ADGRB3: variants seen among roughly 807,000 people sequenced by gnomAD.
ADGRB3 encodes adhesion G protein-coupled receptor B3, also known as brain-specific angiogenesis inhibitor 3.
In ADGRB3, 37 loss-of-function variants were observed where a neutral mutation model predicts 193.4. That is an observed-to-expected ratio of 0.19 (90% CI 0.15 to 0.25). The LOEUF (loss-of-function observed/expected upper bound fraction) is 0.25, where lower values mean the gene tolerates loss of function less well. Among genes scored for constraint, ADGRB3 ranks in the 10% least tolerant of loss-of-function variants. The pLI, the probability that ADGRB3 is intolerant of heterozygous loss-of-function variation, is 1.00. For missense variants in ADGRB3, 1,637 were observed against 1,852.9 expected, an observed-to-expected ratio of 0.88 and a Z score of 2.14; for synonymous variants, 690 against 644.2, an observed-to-expected ratio of 1.07 and a Z score of -1.08.
chr6:68,768,311 C>T (rs1766550598), intron 3 of ADGRB3, among the ~76,000 whole-genome samples: 1 of 152,054 alleles, frequency 6.6e-6, no homozygotes, highest in Non-Finnish European at 1.5e-5. Context: ...CAACAGTAAC[C>T]AAAACAGCAT....
In ADGRB3 at chr6:69,305,858, G is replaced by A. The variant is rs1310030672; in HGVS notation, c.2815-19014G>A. 1.3e-5 allele frequency among the ~76,000 whole-genome samples: 2 copies of A among 151,264 alleles called. 1 individual carries two copies. Among genetic ancestry groups the A allele is most frequent in the African/African-American group, 4.9e-5 (2 of 40,966 alleles). On this transcript the variant is annotated intron_variant, in intron 20 of 31. Transcript: ENST00000370598. ...TTATGCATTCATGGATTAACAAACT[G>A]AAGATTAAAAATACCCCTGGGAAAA... is the stretch of plus-strand genomic sequence containing the variant.
At chr6:69,113,109 A>G (rs1245065696) in intron 17 of ADGRB3, among the ~76,000 whole-genome samples, 1 of 152,212 alleles carries the variant, frequency 6.6e-6, no homozygotes, top group African/African-American at 2.4e-5. Flanking sequence ...TGCAAATACT[A>G]TGCTATTTTA....
intron 3 of ADGRB3, among the ~76,000 whole-genome samples, chr6:68,842,159 C>A (rs1178351114): frequency 6.6e-6 from 1 of 150,974 alleles, no homozygotes; most frequent in Non-Finnish European, 1.5e-5. Flanking sequence ...TAAGTACCCA[C>A]AAAAATTAAA....
intron 17 of ADGRB3, among the ~76,000 whole-genome samples, chr6:69,151,274 C>G (rs1026624901): frequency 6.6e-6 from 1 of 152,166 alleles, no homozygotes; most frequent in African/African-American, 2.4e-5. Context: ...TGCCAGAACT[C>G]AGGTTCTGAC....
At chr6:69,037,147 A>G (rs970870004) in intron 13 of ADGRB3, among the ~76,000 whole-genome samples, 9 of 152,152 alleles carry the variant, frequency 5.9e-5, no homozygotes, top group Non-Finnish European at 4.4e-5. Context: ...TCAATAGTAA[A>G]GAATGACCCC....
At chr6:68,652,356 A>G (rs1483100269) in intron 3 of ADGRB3, among the ~76,000 whole-genome samples, 1 of 152,164 alleles carries the variant, frequency 6.6e-6, no homozygotes, top group South Asian at 2.1e-4. Flanking sequence ...CACTTGTGAA[A>G]TAACAGATCT....
intron 3 of ADGRB3, among the ~76,000 whole-genome samples, chr6:68,841,343 A>G (rs1007344890): frequency 1.8e-4 from 28 of 152,308 alleles, no homozygotes; most frequent in Middle Eastern, 3.4e-3. Context: ...GATAGACTAT[A>G]TGTTAAGCCA....
chr6:68,744,054 T>A (rs2127343386), intron 3 of ADGRB3, among the ~76,000 whole-genome samples: 1 of 152,188 alleles, frequency 6.6e-6, no homozygotes, highest in South Asian at 2.1e-4. Flanking sequence ...GTTGTTTTCA[T>A]GGGTAAAAGG....
At chr6:68,690,881 A>C (rs777253506) in intron 3 of ADGRB3, among the ~76,000 whole-genome samples, 4 of 152,066 alleles carry the variant, frequency 2.6e-5, no homozygotes, top group Middle Eastern at 3.2e-3. Context: ...TAGAGAACAC[A>C]TTTTGGGTTG....
In ADGRB3 at chr6:69,151,305, C is replaced by T. The variant is rs1479363275; in HGVS notation, c.2480+75267C>T. Among the ~76,000 whole-genome samples, 4 of 152,178 alleles carry T rather than the reference C, an allele frequency of 2.6e-5. No individual in the cohort carries two copies. In the East Asian group the frequency reaches 7.7e-4, roughly 29 times the overall value. On this transcript the variant is annotated intron_variant, in intron 17 of 31. Transcript: ENST00000370598. ...CTGACTCCTGAGATGTATGATTCCC[C>T]TCCGGCCAGTGCTAATCTCAATGTT...
intron 3 of ADGRB3, among the ~76,000 whole-genome samples, chr6:68,674,342 A>G (rs1769033960): frequency 6.6e-6 from 1 of 152,212 alleles, no homozygotes; most frequent in South Asian, 2.1e-4. Flanking sequence ...ATTGTAAGAC[A>G]ATAGAAGGGA....
At chr6:68,680,786 T>G (rs1764881050) in intron 3 of ADGRB3, among the ~76,000 whole-genome samples, 1 of 152,154 alleles carries the variant, frequency 6.6e-6, no homozygotes, top group African/African-American at 2.4e-5. Flanking sequence ...TATTAAGATC[T>G]CTATTGGACT....
At chr6:68,860,984 A>T (rs118183734) in intron 3 of ADGRB3, among the ~76,000 whole-genome samples, 3,221 of 152,266 alleles carry the variant, frequency 0.021, 50 homozygotes, top group Non-Finnish European at 0.031. Flanking sequence ...ATTGACACAC[A>T]TTTCAGACTC....
At chr6:69,030,589 G>A (rs1195244330) in intron 13 of ADGRB3, among the ~76,000 whole-genome samples, 1 of 152,078 alleles carries the variant, frequency 6.6e-6, no homozygotes, top group Non-Finnish European at 1.5e-5. Flanking sequence ...CACAGGGAGG[G>A]GAACATCACA....
chr6:69,134,494 T>C (rs985164875), intron 17 of ADGRB3, among the ~76,000 whole-genome samples: 3 of 152,104 alleles, frequency 2.0e-5, no homozygotes, highest in Non-Finnish European at 4.4e-5. Flanking sequence ...GTAATCCCCA[T>C]AGCACTTCAT....
chr6:68,870,266 A>C (rs1233118875), intron 3 of ADGRB3, among the ~76,000 whole-genome samples: 1 of 152,218 alleles, frequency 6.6e-6, no homozygotes. Context: ...AAAAATTCTT[A>C]GAACTCATCT....
Position 69,339,391 on chromosome 6 carries a change from G to C in ADGRB3, c.3346G>C (p.Ala1116Pro). 1 of 1,613,980 alleles carries C rather than the reference G, an allele frequency of 6.2e-7. No individual in the cohort carries two copies. Among genetic ancestry groups the C allele is most frequent in the Non-Finnish European group, 8.5e-7 (1 of 1,179,918 alleles). Residue 1116 changes from alanine (A) to proline (P), a missense_variant, in exon 26 of 32, where the codon GCG becomes CCG. Around this residue, in one of 7 missense-constraint regions of ADGRB3, gnomAD observed 116 missense variants for 168.1 expected, o/e 0.69. Transcript: ENST00000370598. ...LPLLALTWMS[A>P]VLAMTDKRSI... ...CCTTCTGGCTTTGACGTGGATGTCT[G>C]CGGTTCTGGCCATGACAGATAAACG...
intron 17 of ADGRB3, among the ~76,000 whole-genome samples, chr6:69,142,909 G>A (rs982571029): frequency 1.3e-5 from 2 of 152,020 alleles, no homozygotes; most frequent in Non-Finnish European, 2.9e-5. Context: ...CTTTCTTAGG[G>A]GTATATGCCC....
rs532448093 is a variant in ADGRB3, at chr6:69,133,778, C to T, written c.2480+57740C>T. Among the ~76,000 whole-genome samples the T allele has an allele frequency of 2.2e-4, 33 of 151,532 alleles. 1 individual carries two copies. The highest frequency in any genetic ancestry group is 1.9e-3 in the South Asian group (9 of 4,798). On this transcript the variant is annotated intron_variant, in intron 17 of 31. Coordinates refer to ENST00000370598, the MANE Select transcript of ADGRB3 (RefSeq NM_001704.3). Reference sequence around the variant, plus strand: ...CATAGTGATTTCTGAGATTTTGATGCGCCCATCACCCAAGCAGTGTACTGT... The same window carrying T: ...CATAGTGATTTCTGAGATTTTGATGTGCCCATCACCCAAGCAGTGTACTGT...
Sources: allele counts gnomAD v4.1 joint callset (sites outside exome capture counted in the v4.1 genomes callset), GRCh38; gene constraint gnomAD v4.1.1; regional missense constraint gnomAD v4.1.1; transcripts MANE v1.5; gene names NCBI Gene and HGNC (gene_info 2026-07-23, HGNC 2026-07-21).